The following HS2ST1 variants were observed in gnomAD, a reference collection of about 807,000 sequenced individuals.
The protein encoded by HS2ST1 is 2-O-sulfotransferase.
In HS2ST1, 18 loss-of-function variants were observed where a neutral mutation model predicts 42.9. That is an observed-to-expected ratio of 0.42 (90% CI 0.29 to 0.62). The LOEUF (loss-of-function observed/expected upper bound fraction) is 0.62. Among genes scored for constraint, HS2ST1 ranks in the 20% least tolerant of loss-of-function variants. HS2ST1 has a pLI of 0.21. For synonymous variants in HS2ST1, 146 were observed against 152.9 expected (o/e 0.95, Z 0.33); for missense variants, 334 against 433.8 (o/e 0.77, Z 2.04).
At position 87,107,251 on chromosome 1, in the gene HS2ST1, GTC is replaced by G. The variant is rs1358509190; in HGVS notation, c.*2560_*2561del. On this transcript the variant is annotated 3_prime_UTR_variant, in exon 7 of 7. Transcript: ENST00000370550. ...AAAGAATTGCTTTCTGATTCGTGTA[GTC>G]TCTCCCACAGATTCATAAACTTTTA... is the stretch of plus-strand genomic sequence containing the variant. The G allele has an allele frequency of 6.6e-6, 1 of 151,952 alleles. No individual in the cohort carries two copies. Among genetic ancestry groups the G allele is most frequent in the Non-Finnish European group, 1.5e-5 (1 of 67,926 alleles). The allele number at this position is 151,952 out of a possible 1,614,324, so 9.4% of individuals were successfully genotyped here.
chr1:86,993,796 T>G (rs1469007453), intron 1 of HS2ST1, among the ~76,000 whole-genome samples: 2 of 152,152 alleles, frequency 1.3e-5, no homozygotes, highest in African/African-American at 4.8e-5. Flanking sequence ...AAATAGTATC[T>G]TAACAAAAAG....
intron 1 of HS2ST1, among the ~76,000 whole-genome samples, chr1:87,039,691 C>G (rs1650472491): frequency 6.6e-6 from 1 of 152,218 alleles, no homozygotes; most frequent in African/African-American, 2.4e-5. Context: ...GATTTTACCA[C>G]TTACTGGCTC....
At chr1:87,103,299 G>A in intron 5 of HS2ST1, 133 bp from the exon 6 acceptor site, 1 of 696,352 alleles carries the variant, frequency 1.4e-6, no homozygotes, top group East Asian at 3.1e-5. Context: ...CCCACAGGAT[G>A]GTAATAAAGA....
At chr1:86,917,104 A>T (rs919703192) in intron 1 of HS2ST1, among the ~76,000 whole-genome samples, 1 of 152,246 alleles carries the variant, frequency 6.6e-6, no homozygotes, top group African/African-American at 2.4e-5. Flanking sequence ...ACAGATGGGT[A>T]TACCTGGGAG....
intron 1 of HS2ST1, among the ~76,000 whole-genome samples, chr1:87,056,395 C>A (rs1650969903): frequency 1.3e-5 from 2 of 152,264 alleles, no homozygotes; most frequent in South Asian, 4.1e-4. Flanking sequence ...TACCTGGTCT[C>A]TGTCATAGCA....
intron 3 of HS2ST1, among the ~76,000 whole-genome samples, chr1:87,086,133 TAA>T (rs886872747): frequency 6.6e-6 from 1 of 152,180 alleles, no homozygotes; most frequent in African/African-American, 2.4e-5. Flanking sequence ...ATATGCTCCA[TAA>T]ATGGGGAAGG....
intron 1 of HS2ST1, among the ~76,000 whole-genome samples, chr1:87,039,948 G>A (rs553789857): frequency 2.6e-5 from 4 of 152,184 alleles, no homozygotes; most frequent in Non-Finnish European, 2.9e-5. Flanking sequence ...TCTAATTAGT[G>A]GCATTTTAAA....
intron 1 of HS2ST1, among the ~76,000 whole-genome samples, chr1:86,984,416 T>G (rs1648695831): frequency 2.0e-5 from 3 of 152,196 alleles, no homozygotes; most frequent in Admixed American, 2.0e-4. Flanking sequence ...GAAGCTTTTC[T>G]CAAGAAGCAA....
intron 1 of HS2ST1, among the ~76,000 whole-genome samples, chr1:87,065,625 A>G (rs991575938): frequency 1.3e-5 from 2 of 152,152 alleles, no homozygotes; most frequent in African/African-American, 4.8e-5. Context: ...GCACAAGCCA[A>G]CCTTGTAAGA....
intron 1 of HS2ST1, among the ~76,000 whole-genome samples, chr1:86,959,765 A>C (rs988180053): frequency 3.3e-5 from 5 of 152,250 alleles, no homozygotes; most frequent in African/African-American, 1.2e-4. Flanking sequence ...TACAAGATCT[A>C]TATGAGGAAA....
chr1:86,925,011 C>T (rs1054012091), intron 1 of HS2ST1, among the ~76,000 whole-genome samples: 7 of 152,120 alleles, frequency 4.6e-5, no homozygotes, highest in African/African-American at 1.7e-4. Flanking sequence ...AATTGAATGC[C>T]TTTAATGGCA....
intron 1 of HS2ST1, among the ~76,000 whole-genome samples, chr1:87,005,735 A>G (rs1212808010): frequency 6.6e-6 from 1 of 152,184 alleles, no homozygotes; most frequent in Non-Finnish European, 1.5e-5. Context: ...ACATAGTGAA[A>G]GACCTCACAT....
intron 1 of HS2ST1, among the ~76,000 whole-genome samples, chr1:86,987,529 T>C (rs1181052508): frequency 6.6e-6 from 1 of 151,884 alleles, no homozygotes; most frequent in Non-Finnish European, 1.5e-5. Flanking sequence ...AAGGAGGTGA[T>C]AATAATGCTT....
intron 1 of HS2ST1, among the ~76,000 whole-genome samples, chr1:87,039,765 A>G (rs527425954): frequency 1.6e-4 from 24 of 152,298 alleles, no homozygotes; most frequent in Admixed American, 1.4e-3. Flanking sequence ...AAGTTTGACC[A>G]ATAGTAACTA....
chr1:87,097,281 A>G (rs1405943649), intron 4 of HS2ST1, among the ~76,000 whole-genome samples: 1 of 152,256 alleles, frequency 6.6e-6, no homozygotes, highest in Admixed American at 6.5e-5. Flanking sequence ...AAAGCATATG[A>G]AACAAGTTAT....
chr1:87,045,630 G>A, intron 1 of HS2ST1: 1 of 775,956 alleles, frequency 1.3e-6, no homozygotes, highest in Middle Eastern at 2.3e-4. Flanking sequence ...TATTTTTCCT[G>A]ATAAGATCTT....
intron 1 of HS2ST1, among the ~76,000 whole-genome samples, chr1:87,061,919 C>CTT (rs535755288): frequency 1.4e-4 from 20 of 141,860 alleles, no homozygotes; most frequent in East Asian, 2.0e-4. Context: ...ATTCTTTTCT[C>CTT]TTTTTTTTTT....
chr1:86,996,364 C>A (rs1649103820), intron 1 of HS2ST1, among the ~76,000 whole-genome samples: 1 of 150,468 alleles, frequency 6.6e-6, no homozygotes, highest in Non-Finnish European at 1.5e-5. Context: ...ATCGCTTGAA[C>A]CCGGGAGGCA....
At chr1:87,057,337 T>A (rs918029786) in intron 1 of HS2ST1, among the ~76,000 whole-genome samples, 16 of 152,284 alleles carry the variant, frequency 1.1e-4, no homozygotes, top group Admixed American at 6.5e-5. Context: ...GAATGCTGGC[T>A]TATAGGATAT....
Sources: allele counts gnomAD v4.1 joint callset (sites outside exome capture counted in the v4.1 genomes callset), GRCh38; gene constraint gnomAD v4.1.1; transcripts MANE v1.5; gene names NCBI Gene and HGNC (gene_info 2026-07-23, HGNC 2026-07-21).